Variants in PCDHGB3 observed in about 807,000 individuals in gnomAD.
The protein encoded by PCDHGB3 is protocadherin gamma subfamily B, 3.
In PCDHGB3, 40 loss-of-function variants were observed where a neutral mutation model predicts 59.2. The ratio of observed to expected loss-of-function variants is 0.68; its 90% CI spans 0.52 to 0.88. The LOEUF (loss-of-function observed/expected upper bound fraction) is 0.88, where lower values mean the gene tolerates loss of function less well. Among genes scored for constraint, PCDHGB3 ranks in the 40% least tolerant of loss-of-function variants. The pLI is 0.00. For synonymous variants in PCDHGB3, 581 were observed against 503.6 expected, an observed-to-expected ratio of 1.15 and a Z score of -2.06; for missense variants, 1,309 against 1,187.9, an observed-to-expected ratio of 1.10 and a Z score of -1.50.
At position 141,428,093 on chromosome 5, in the gene PCDHGB3, C is replaced by T. The variant is rs577985465; in HGVS notation, c.2415+55284C>T. On this transcript the variant is annotated intron_variant, in intron 1 of 3. Transcript: ENST00000576222. ...ATTCGGGACACAACGCTTGGCTGTC[C>T]TACCACGTGCTGCAGGCCATCGAGC... 2.4e-4 allele frequency: 380 copies of T among 1,608,880 alleles called. 2 individuals are homozygous for T. The South Asian group carries it at 4.0e-3, about 17-fold the overall frequency.
At chr5:141,400,191 A>G (rs781032596) in intron 1 of PCDHGB3, 2 of 1,613,970 alleles carry the variant, frequency 1.2e-6, no homozygotes, top group Non-Finnish European at 1.7e-6. Context: ...AGTTTTACCT[A>G]GTGGTGGCCT....
intron 1 of PCDHGB3, chr5:141,409,412 C>T (rs1261631725): frequency 1.2e-6 from 2 of 1,614,032 alleles, no homozygotes; most frequent in Non-Finnish European, 1.7e-6. Flanking sequence ...CTACTACAAA[C>T]TGGTGACAGA....
intron 1 of PCDHGB3, chr5:141,419,816 C>T (rs910172118): frequency 1.2e-6 from 2 of 1,614,058 alleles, no homozygotes; most frequent in Non-Finnish European, 8.5e-7. Context: ...AGGACAGCCA[C>T]CCCTTTCAGC....
intron 1 of PCDHGB3, chr5:141,427,889 G>A: frequency 1.3e-6 from 2 of 1,566,516 alleles, no homozygotes; most frequent in Non-Finnish European, 1.7e-6. Context: ...CCCACGACCA[G>A]GGCTCGCCCG....
At position 141,486,001 on chromosome 5, in the gene PCDHGB3, C is replaced by G. The variant is rs771993915; in HGVS notation, c.2416-8806C>G. 6.2e-7 allele frequency: 1 copy of G among 1,614,194 alleles called. No homozygotes were observed. Among genetic ancestry groups the G allele is most frequent in the Non-Finnish European group, 8.5e-7 (1 of 1,180,024 alleles). On this transcript the variant is annotated intron_variant, in intron 1 of 3. Transcript: ENST00000576222. The surrounding 1 kb of genome is among the most constrained non-coding windows in gnomAD (Gnocchi z 5.0). ...ACCCGGACCTGGGTCCCAGTGGTAACGTCACCTTTTATTTCAGTGGTCATA... is the reference window on the plus strand; with the variant it reads ...ACCCGGACCTGGGTCCCAGTGGTAAGGTCACCTTTTATTTCAGTGGTCATA...
At chr5:141,421,354 G>T in intron 1 of PCDHGB3, 2 of 1,613,980 alleles carry the variant, frequency 1.2e-6, no homozygotes, top group Non-Finnish European at 1.7e-6. Context: ...GACCGAAAAG[G>T]GCTCCTTCGT....
chr5:141,498,737 G>A (rs1176793634), intron 2 of PCDHGB3, among the ~76,000 whole-genome samples: 1 of 152,076 alleles, frequency 6.6e-6, no homozygotes, highest in African/African-American at 2.4e-5. Context: ...TTTGAGACCA[G>A]CCTGGCCAAC....
intron 1 of PCDHGB3, chr5:141,414,797 G>A: frequency 6.2e-7 from 1 of 1,614,230 alleles, no homozygotes. Context: ...GCCAGCGACA[G>A]CGGGGATCCT....
rs765376157 is a variant in PCDHGB3 at position 141,486,033 on chromosome 5, A to G, written c.2416-8774A>G. 4.3e-6 allele frequency: 7 copies of G among 1,614,148 alleles called. No individual in the cohort carries two copies. The highest frequency in any genetic ancestry group is 5.9e-6 in the Non-Finnish European group (7 of 1,180,014). ...TTTTATTTCAGTGGTCATACCCCTG[A>G]TCGTGTAAGAAACCTCTTTAGCCTG... On this transcript the variant is annotated intron_variant, in intron 1 of 3. Transcript: ENST00000576222. This position sits in a 1 kb window ranked among gnomAD's most constrained non-coding sequence, Gnocchi z 5.0.
intron 1 of PCDHGB3, among the ~76,000 whole-genome samples, chr5:141,468,857 C>A (rs1386167428): frequency 2.0e-5 from 3 of 151,962 alleles, no homozygotes; most frequent in Non-Finnish European, 4.4e-5. Context: ...CAGAGCGAGA[C>A]TCCATCTCAA....
At chr5:141,399,147 C>T (rs2093760764) in intron 1 of PCDHGB3, 1 of 1,613,664 alleles carries the variant, frequency 6.2e-7, no homozygotes. Flanking sequence ...ATGACAATAG[C>T]CCAGAAGTTA....
At chr5:141,398,866 T>TAC (rs775997367) in intron 1 of PCDHGB3, 28 of 1,613,844 alleles carry the variant, frequency 1.7e-5, no homozygotes, top group Non-Finnish European at 8.5e-7. Flanking sequence ...CCGAGACGTG[T>TAC]ACAGAGTCAG....
rs755457564 is a variant in PCDHGB3, at chr5:141,394,423, G to A, written c.2415+21614G>A. The stretch of plus-strand genomic sequence containing the variant: ...CAGCTACTGGTAACAGCCAGCGACA[G>A]CGGGGACCCGCCCCTCAGCAGCAAC... On this transcript the variant is annotated intron_variant, in intron 1 of 3. Coordinates refer to ENST00000576222, the MANE Select transcript of PCDHGB3 (RefSeq NM_018924.5). 2.5e-6 allele frequency: 4 copies of A among 1,614,248 alleles called. No homozygotes were observed. The Admixed American group carries it at 6.7e-5, about 27-fold the overall frequency.
rs1023140435 is a variant in PCDHGB3, at chr5:141,415,749, T to G, written c.2415+42940T>G. The G allele has an allele frequency of 4.7e-4, 569 of 1,213,970 alleles. 1 individual carries two copies. Among genetic ancestry groups the G allele is most frequent in the Admixed American group, 3.5e-3 (90 of 25,886 alleles). The allele number at this position is 1,213,970 out of a possible 1,614,324, so 75.2% of individuals were successfully genotyped here. The stretch of plus-strand genomic sequence containing the variant: ...TTTGATGTTTATTAAGGTTTTTTTT[T>G]TTTTTTTTTTTTTTTTTTTTTTTAC... On this transcript the variant is annotated intron_variant, in intron 1 of 3. Transcript: ENST00000576222.
intron 1 of PCDHGB3, chr5:141,384,258 C>T: frequency 6.2e-7 from 1 of 1,613,896 alleles, no homozygotes; most frequent in Non-Finnish European, 8.5e-7. Flanking sequence ...CCACCTTCCC[C>T]CACTCATCCT....
At chr5:141,394,189 C>T (rs543330174) in intron 1 of PCDHGB3, 1 of 1,613,892 alleles carries the variant, frequency 6.2e-7, no homozygotes, top group Admixed American at 1.7e-5. Flanking sequence ...TCCTACTCAG[C>T]GTATATCCTA....
chr5:141,381,826 C>CTTTTTTTTTTTTTTTTTTTTTTTTTTTTT (rs770630741), intron 1 of PCDHGB3, among the ~76,000 whole-genome samples: 16 of 74,292 alleles, frequency 2.2e-4, no homozygotes, highest in Admixed American at 5.8e-4. Context: ...CTTTCTTCTT[C>CTTTTTTTTTTTTTTTTTTTTTTTTTTTTT]TTTTTTTTTT....
At chr5:141,384,991 G>A in intron 1 of PCDHGB3, 2 of 1,614,124 alleles carry the variant, frequency 1.2e-6, no homozygotes, top group Non-Finnish European at 1.7e-6. Context: ...GGTGGCGGTG[G>A]CCACAGTCTC....
At chr5:141,412,100 C>G (rs1041242156) in intron 1 of PCDHGB3, 2 of 152,180 alleles carry the variant, frequency 1.3e-5, no homozygotes, top group Non-Finnish European at 2.9e-5. Context: ...TGGGCACACA[C>G]AGTTGAAGAT....
Sources: gnomAD v4.1 joint callset for allele counts (sites outside exome capture counted in the v4.1 genomes callset) on GRCh38, gnomAD v4.1.1 for gene constraint, Gnocchi (gnomAD v3.1) non-coding constraint, MANE v1.5 for transcripts, NCBI Gene and HGNC (gene_info 2026-07-23, HGNC 2026-07-21) for gene names.